ZNF385D: variants seen among roughly 807,000 people sequenced by gnomAD.
ZNF385D encodes the protein zinc finger protein 385D.
In ZNF385D, 15 loss-of-function variants were observed where a neutral mutation model predicts 35.8. That is an observed-to-expected ratio of 0.42 (90% CI 0.28 to 0.64). The LOEUF is 0.64. Ranked by LOEUF, ZNF385D falls within the 30% of genes least tolerant of loss-of-function variation. The pLI, the probability that ZNF385D is intolerant of heterozygous loss-of-function variation, is 0.23. For missense variants in ZNF385D, 474 were observed against 494.6 expected (o/e 0.96, Z 0.39); for synonymous variants, 212 against 186.8 (o/e 1.13, Z -1.10).
At position 22,277,128 on chromosome 3, in the gene ZNF385D, C is replaced by G. The variant is rs144856686; in HGVS notation, c.106+95322G>C. On this transcript the variant is annotated intron_variant, in intron 2 of 5. Coordinates refer to the ZNF385D transcript ENST00000494108. ...AGATTTAACTTTTTCCACACTAAAA[C>G]TAACTTAATAACTCCCAAAAGGAAG... 3.6e-3 allele frequency among the ~76,000 whole-genome samples: 554 copies of G among 152,130 alleles called. 3 individuals carry two copies. Among genetic ancestry groups the G allele is most frequent in the Non-Finnish European group, 4.5e-3 (304 of 67,990 alleles).
intron 2 of ZNF385D, among the ~76,000 whole-genome samples, chr3:21,571,981 T>C (rs1172159249): frequency 6.6e-6 from 1 of 152,140 alleles, no homozygotes; most frequent in East Asian, 1.9e-4. Context: ...GATTGCATTA[T>C]CTAGGCATGA....
intron 3 of ZNF385D, among the ~76,000 whole-genome samples, chr3:22,036,174 A>C (rs1698304129): frequency 6.6e-6 from 1 of 152,182 alleles, no homozygotes; most frequent in East Asian, 1.9e-4. Flanking sequence ...ATCAATTGAG[A>C]ATCTCAGGTG....
At chr3:22,285,374 AAT>A (rs1411544022) in intron 2 of ZNF385D, among the ~76,000 whole-genome samples, 2 of 152,128 alleles carry the variant, frequency 1.3e-5, no homozygotes, top group African/African-American at 4.8e-5. Context: ...ACAAATGACA[AAT>A]ATTTATTTTT....
intron 1 of ZNF385D, among the ~76,000 whole-genome samples, chr3:21,701,840 C>T (rs911827097): frequency 2.6e-5 from 4 of 152,144 alleles, no homozygotes; most frequent in African/African-American, 9.7e-5. Flanking sequence ...AAATAATCTC[C>T]TTTGACTCCA....
At position 21,468,089 on chromosome 3, in the gene ZNF385D, A is replaced by C. The variant is rs147018069; in HGVS notation, c.440-30886T>G. Among the ~76,000 whole-genome samples the C allele has an allele frequency of 2.4e-3, 365 of 152,268 alleles. 7 individuals carry two copies. Among genetic ancestry groups the C allele is most frequent in the Middle Eastern group, 0.02 (6 of 294 alleles). The stretch of plus-strand genomic sequence containing the variant: ...ATTCCATTTCTAGGTATTTACCAAA[A>C]AATAAAAAATGTGTCCATAAAAGTA... On this transcript the variant is annotated intron_variant, in intron 4 of 7. Coordinates refer to ENST00000281523, the MANE Select transcript of ZNF385D (RefSeq NM_024697.3).
chr3:21,998,684 A>G (rs972101930), intron 3 of ZNF385D, among the ~76,000 whole-genome samples: 6 of 152,228 alleles, frequency 3.9e-5, no homozygotes, highest in Non-Finnish European at 8.8e-5. Flanking sequence ...ATAAACAAGA[A>G]CATCACCTTT....
At chr3:21,980,774 T>C (rs1157733571) in intron 3 of ZNF385D, among the ~76,000 whole-genome samples, 2 of 152,156 alleles carry the variant, frequency 1.3e-5, no homozygotes, top group Non-Finnish European at 2.9e-5. Flanking sequence ...TGTTCATAAG[T>C]TCTTATCATT....
intron 2 of ZNF385D, among the ~76,000 whole-genome samples, chr3:22,187,105 ACATC>A (rs1695687227): frequency 1.3e-5 from 2 of 152,150 alleles, no homozygotes; most frequent in African/African-American, 4.8e-5. Flanking sequence ...ACACAATCTA[ACATC>A]TTCCCACATA....
upstream of ZNF385D, among the ~76,000 whole-genome samples, chr3:21,756,162 C>A (rs993809161): frequency 1.3e-5 from 2 of 152,120 alleles, no homozygotes; most frequent in Non-Finnish European, 2.9e-5. Flanking sequence ...GGTTAGGAAG[C>A]CTTTGTAGTA....
intron 2 of ZNF385D, among the ~76,000 whole-genome samples, chr3:22,174,207 A>C (rs2125767591): frequency 6.6e-6 from 1 of 152,348 alleles, no homozygotes. Context: ...AATTTTAATG[A>C]GTAGAAAACT....
At chr3:22,346,479 A>G (rs1380645105) in intron 2 of ZNF385D, among the ~76,000 whole-genome samples, 1 of 152,182 alleles carries the variant, frequency 6.6e-6, no homozygotes, top group African/African-American at 2.4e-5. Context: ...TATATTCACT[A>G]TTTCATTTTA....
At chr3:22,226,500 A>G (rs1698565979) in intron 2 of ZNF385D, among the ~76,000 whole-genome samples, 2 of 152,208 alleles carry the variant, frequency 1.3e-5, no homozygotes, top group African/African-American at 2.4e-5. Context: ...TCTCCTATCT[A>G]TAGGTGAAAA....
intron 2 of ZNF385D, among the ~76,000 whole-genome samples, chr3:22,195,468 G>C (rs987170943): frequency 2.6e-5 from 4 of 151,734 alleles, no homozygotes; most frequent in African/African-American, 9.7e-5. Context: ...AATATACTAT[G>C]CTTTTTATGT....
chr3:21,450,366 T>A (rs1224262055), intron 4 of ZNF385D, among the ~76,000 whole-genome samples: 1 of 152,170 alleles, frequency 6.6e-6, no homozygotes, highest in Admixed American at 6.6e-5. Context: ...GCAAAATAAA[T>A]AACTGAATGA....
intron 3 of ZNF385D, among the ~76,000 whole-genome samples, chr3:21,912,663 G>A (rs905856145): frequency 2.0e-5 from 3 of 152,010 alleles, no homozygotes; most frequent in African/African-American, 7.2e-5. Context: ...ATCCAGTGGC[G>A]ATCATTAGAA....
intron 2 of ZNF385D, among the ~76,000 whole-genome samples, chr3:22,303,355 CT>C (rs1703017334): frequency 6.6e-6 from 1 of 152,100 alleles, no homozygotes; most frequent in Admixed American, 6.6e-5. Flanking sequence ...AACATATGGC[CT>C]GTCTCTTGCC....
intron 2 of ZNF385D, among the ~76,000 whole-genome samples, chr3:22,185,796 G>A (rs748466405): frequency 3.4e-4 from 52 of 152,200 alleles, no homozygotes; most frequent in Non-Finnish European, 6.0e-4. Context: ...AAAGATTTCT[G>A]TCCCACCTGG....
At chr3:21,644,855 C>T (rs2065706402) in intron 2 of ZNF385D, among the ~76,000 whole-genome samples, 1 of 152,142 alleles carries the variant, frequency 6.6e-6, no homozygotes, top group Admixed American at 6.5e-5. Context: ...ACTGCAACAA[C>T]TTTTTTAAAA....
intron 3 of ZNF385D, among the ~76,000 whole-genome samples, chr3:21,951,981 A>T (rs1322903850): frequency 6.6e-6 from 1 of 151,496 alleles, no homozygotes; most frequent in African/African-American, 2.4e-5. Context: ...CCTTTGAGAG[A>T]CTCCATTATT....
Sources: allele counts gnomAD v4.1 joint callset (sites outside exome capture counted in the v4.1 genomes callset), GRCh38; gene constraint gnomAD v4.1.1; transcripts MANE v1.5; gene names NCBI Gene and HGNC (gene_info 2026-07-23, HGNC 2026-07-21).